TAF1B: variants seen among roughly 807,000 people sequenced by gnomAD.
The protein encoded by TAF1B is TATA box-binding protein-associated factor RNA polymerase I subunit B.
TAF1B carries 61 observed loss-of-function variants against 83.9 expected under a neutral mutation model. That is an observed-to-expected ratio of 0.73 (90% CI 0.59 to 0.90). TAF1B has a LOEUF of 0.90. Ranked by LOEUF, TAF1B falls within the 40% of genes least tolerant of loss-of-function variation. The probability of loss-of-function intolerance (pLI) is 0.00; values close to 1 mark genes in which losing one functional copy is unlikely to be tolerated. For synonymous variants in TAF1B, 221 were observed against 224.6 expected (o/e 0.98, Z 0.14); for missense variants, 625 against 677.0 (o/e 0.92, Z 0.85).
intron 8 of TAF1B, among the ~76,000 whole-genome samples, chr2:9,895,343 A>AT (rs371391227): frequency 6.6e-6 from 1 of 152,126 alleles, no homozygotes; most frequent in Non-Finnish European, 1.5e-5. Context: ...CTACAAAAAA[A>AT]CACAAAAATT....
chr2:9,919,356 T>C (rs926565003), intron 13 of TAF1B, among the ~76,000 whole-genome samples: 8 of 152,194 alleles, frequency 5.3e-5, no homozygotes, highest in Admixed American at 2.0e-4. Flanking sequence ...TAAATCGTTA[T>C]GATTTTGGAA....
At chr2:9,920,328 C>G (rs1030395085) in intron 14 of TAF1B, among the ~76,000 whole-genome samples, 1 of 152,158 alleles carries the variant, frequency 6.6e-6, no homozygotes, top group Non-Finnish European at 1.5e-5. Context: ...GGATCAAGTT[C>G]AGGAGTAGGT....
chr2:9,917,970 G>T (rs944372990), intron 12 of TAF1B, among the ~76,000 whole-genome samples: 14 of 151,564 alleles, frequency 9.2e-5, no homozygotes, highest in African/African-American at 2.9e-4. Flanking sequence ...TACTTGGGAG[G>T]CTGAGGCAGG....
At chr2:9,899,957 T>G (rs1665134117) in intron 8 of TAF1B, among the ~76,000 whole-genome samples, 1 of 152,242 alleles carries the variant, frequency 6.6e-6, no homozygotes, top group Admixed American at 6.5e-5. Flanking sequence ...CTTAATATGA[T>G]GCATGATATG....
At chr2:9,924,243 G>T (rs1040154507) in intron 14 of TAF1B, among the ~76,000 whole-genome samples, 48 of 152,102 alleles carry the variant, frequency 3.2e-4, no homozygotes, top group African/African-American at 1.1e-3. Context: ...ATGCCACAGA[G>T]ACCGTGACTA....
intron 12 of TAF1B, among the ~76,000 whole-genome samples, chr2:9,915,693 A>G (rs1665663051): frequency 6.6e-6 from 1 of 152,214 alleles, no homozygotes; most frequent in African/African-American, 2.4e-5. Context: ...CAGTTTCTCA[A>G]AGTTAAACAT....
At chr2:9,858,796 G>A (rs1247927199) in intron 5 of TAF1B, among the ~76,000 whole-genome samples, 1 of 152,214 alleles carries the variant, frequency 6.6e-6, no homozygotes. Context: ...GAGCTGGAGT[G>A]GCTGGGATGC....
chr2:9,920,443 G>A (rs1026931496), intron 14 of TAF1B, among the ~76,000 whole-genome samples: 2 of 152,108 alleles, frequency 1.3e-5, no homozygotes, highest in African/African-American at 4.8e-5. Context: ...AAATGTCAGT[G>A]ATGTTACACA....
intron 14 of TAF1B, among the ~76,000 whole-genome samples, chr2:9,927,747 T>A (rs1474970070): frequency 2.0e-5 from 3 of 152,146 alleles, no homozygotes; most frequent in African/African-American, 7.2e-5. Flanking sequence ...GTTTAAGTTC[T>A]TTGTAGATTC....
At chr2:9,908,710 G>A (rs1270202440) in intron 9 of TAF1B, among the ~76,000 whole-genome samples, 1 of 152,214 alleles carries the variant, frequency 6.6e-6, no homozygotes, top group Non-Finnish European at 1.5e-5. Flanking sequence ...GGTGACACCT[G>A]TAAATTGAAA....
chr2:9,896,620 C>CAAAAAAA (rs71391108), intron 8 of TAF1B, among the ~76,000 whole-genome samples: 33 of 66,520 alleles, frequency 5.0e-4, no homozygotes, highest in African/African-American at 5.5e-4. Context: ...ATCTAAAAAC[C>CAAAAAAA]AAAAAAAAAA....
chr2:9,847,350 C>T (rs1255322908), intron 2 of TAF1B, among the ~76,000 whole-genome samples: 6 of 152,088 alleles, frequency 3.9e-5, no homozygotes, highest in African/African-American at 7.2e-5. Context: ...GGCTTTATGG[C>T]GGTCCAGGCA....
chr2:9,923,202 C>A (rs1665930097), intron 14 of TAF1B, among the ~76,000 whole-genome samples: 1 of 146,506 alleles, frequency 6.8e-6, no homozygotes. Context: ...CACACCACTG[C>A]ACTCCAGCCT....
rs779936896 is a variant in TAF1B, at chr2:9,851,621, G to A, written c.286G>A (p.Val96Ile). ...QQAEALKNLG[V>I]GPELKNDVLH... ...AGCAGAAGCCTTAAAGAACCTTGGA[G>A]TAGGCCCAGAGTTAAAGGTAAGTAC... Residue 96 changes from valine (V) to isoleucine (I), a missense_variant, in exon 4 of 15, where the codon GTA becomes ATA. By Grantham distance (29) the Val-to-Ile change is conservative (BLOSUM62 3). Transcript: ENST00000263663. 1 of 1,612,126 alleles carries A rather than the reference G, an allele frequency of 6.2e-7. No individual in the cohort carries two copies. The highest frequency in any genetic ancestry group is 1.1e-5 in the South Asian group (1 of 90,486).
rs1461638664 is a variant in TAF1B at position 9,911,558 on chromosome 2, G to T, written c.1180+1G>T. ...AAGCATAATGAAAAGAACAAAAAAG[G>T]TATTTTAATTTTTTATCATTCAAAT... On this transcript the variant is annotated splice_donor_variant, in intron 11 of 14. Transcript: ENST00000263663. LOFTEE classifies it high-confidence loss of function. 1 of 1,514,768 alleles carries T rather than the reference G, an allele frequency of 6.6e-7. No homozygotes were observed. Among genetic ancestry groups the T allele is most frequent in the Non-Finnish European group, 8.9e-7 (1 of 1,123,384 alleles). The allele number at this position is 1,514,768 out of a possible 1,614,324, so 93.8% of individuals were successfully genotyped here.
intron 14 of TAF1B, among the ~76,000 whole-genome samples, chr2:9,931,273 T>C (rs1449080304): frequency 6.6e-6 from 1 of 152,258 alleles, no homozygotes; most frequent in East Asian, 1.9e-4. Context: ...TGATGGTCTT[T>C]ACAATTTGGC....
At chr2:9,928,653 C>T (rs1666119088) in intron 14 of TAF1B, among the ~76,000 whole-genome samples, 1 of 150,956 alleles carries the variant, frequency 6.6e-6, no homozygotes, top group African/African-American at 2.5e-5. Flanking sequence ...TGATTTAGCT[C>T]TCTGTTTGTC....
chr2:9,917,900 G>C lies in TAF1B; in HGVS notation c.1272-1141G>C, dbSNP rs370745340. 5.0e-3 allele frequency among the ~76,000 whole-genome samples: 754 copies of C among 151,818 alleles called. 4 individuals carry two copies. Among genetic ancestry groups the C allele is most frequent in the Middle Eastern group, 0.017 (5 of 292 alleles). On this transcript the variant is annotated intron_variant, in intron 12 of 14. Transcript: ENST00000263663. ...ATCCCGGCTAAAACGGTGAAACCCC[G>C]TCTCTACTAAAAATACAAAAAATTA...
intron 5 of TAF1B, among the ~76,000 whole-genome samples, chr2:9,863,624 C>T (rs143380399): frequency 0.18 from 27,320 of 152,158 alleles, 3,123 homozygotes; most frequent in East Asian, 0.31. Flanking sequence ...AACTCTCCAT[C>T]CTAAATCAAC....
Sources: allele counts gnomAD v4.1 joint callset (sites outside exome capture counted in the v4.1 genomes callset), GRCh38; gene constraint gnomAD v4.1.1; transcripts MANE v1.5; gene names NCBI Gene and HGNC (gene_info 2026-07-23, HGNC 2026-07-21).